The following GOLM1 variants were observed in gnomAD, a reference collection of about 807,000 sequenced individuals.
GOLM1 encodes the protein epididymis luminal protein 46.
A neutral mutation model predicts 50.5 loss-of-function variants in GOLM1; 31 were observed. The observed-to-expected ratio is 0.61, with a 90% CI of 0.46 to 0.83. GOLM1 has a LOEUF of 0.83. Ranked by LOEUF, GOLM1 falls within the 40% of genes least tolerant of loss-of-function variation. The pLI is 0.00. For missense variants in GOLM1, 491 were observed against 501.3 expected (o/e 0.98, Z 0.20); for synonymous variants, 178 against 192.8 (o/e 0.92, Z 0.64).
intron 8 of GOLM1, among the ~76,000 whole-genome samples, chr9:86,034,447 T>C (rs1449822037): frequency 6.6e-6 from 1 of 152,178 alleles, no homozygotes; most frequent in East Asian, 1.9e-4. Flanking sequence ...GGCCCACCTT[T>C]GTTACGCTTT....
chr9:86,026,314 T>TTATC lies in GOLM1; in HGVS notation c.*1499_*1502dup, dbSNP rs1832780949. ...AAGAGTATGAAAGTACTCTAAGATT[T>TTATC]TATCTAAGTTGCCTTTTCTGGGTGG... On this transcript the variant is annotated 3_prime_UTR_variant, in exon 10 of 10. Transcript: ENST00000388712. The TTATC allele has an allele frequency of 4.1e-6, 4 of 984,904 alleles. No homozygotes were observed. Among genetic ancestry groups the TTATC allele is most frequent in the Non-Finnish European group, 4.8e-6 (4 of 829,536 alleles). The allele number at this position is 984,904 out of a possible 1,614,324, so 61.0% of individuals were successfully genotyped here. A position where few individuals can be genotyped will look rare whatever the true frequency, so the allele number is the denominator to read the frequency against.
chr9:86,036,845 A>C (rs766075304), intron 6 of GOLM1: 3 of 254,834 alleles, frequency 1.2e-5, no homozygotes, highest in Non-Finnish European at 2.2e-5. Flanking sequence ...TTGACGAAAC[A>C]AACATCTGCA....
rs149371077 is a variant in GOLM1, at chr9:86,040,753, C to G, written c.583G>C (p.Asp195His). The G allele has an allele frequency of 3.7e-6, 6 of 1,612,850 alleles. No individual in the cohort carries two copies. The highest frequency in any genetic ancestry group is 5.1e-6 in the Non-Finnish European group (6 of 1,179,718). Residue 195 changes from aspartate to histidine, a missense_variant, in exon 6 of 10, where the codon GAC (aspartate) becomes CAC (histidine). Coordinates refer to ENST00000388712, the MANE Select transcript of GOLM1 (RefSeq NM_016548.4). ...TCCCCAGTTACCTGCTGTCTCTGGT[C>G]GTTGTTTTCACTCAGGTCTCTGGAA... is the stretch of plus-strand genomic sequence containing the variant. ...VASRDLSENN[D>H]QRQQLQALSE... is the part of the protein sequence containing the mutation.
At chr9:86,071,093 A>ACG (rs1834435151) in intron 3 of GOLM1, among the ~76,000 whole-genome samples, 2 of 151,892 alleles carry the variant, frequency 1.3e-5, no homozygotes, top group African/African-American at 4.8e-5. Context: ...ACACACACAC[A>ACG]CACACACACA....
intron 3 of GOLM1, among the ~76,000 whole-genome samples, chr9:86,063,975 T>TTTAAAA (rs1380218981): frequency 6.6e-6 from 1 of 152,222 alleles, no homozygotes; most frequent in East Asian, 1.9e-4. Flanking sequence ...GTGGAACTTG[T>TTTAAAA]CCATGGCATG....
intron 4 of GOLM1, among the ~76,000 whole-genome samples, chr9:86,049,721 T>C (rs1266178470): frequency 2.6e-5 from 4 of 152,218 alleles, no homozygotes; most frequent in African/African-American, 9.6e-5. Context: ...GATTTTGTAT[T>C]CTGAGACTTT....
chr9:86,067,400 T>C (rs1035843088), intron 3 of GOLM1, among the ~76,000 whole-genome samples: 6 of 152,258 alleles, frequency 3.9e-5, no homozygotes, highest in Non-Finnish European at 7.3e-5. Context: ...CTGTTTTATA[T>C]GTACACATAT....
chr9:86,080,286 T>C, intron 1 of GOLM1: 1 of 152,184 alleles, frequency 6.6e-6, no homozygotes, highest in East Asian at 1.9e-4. Context: ...GGGCTTCAAT[T>C]CAAAGCCAGG....
chr9:86,047,348 T>G (rs1018893382), intron 4 of GOLM1, among the ~76,000 whole-genome samples: 2 of 152,070 alleles, frequency 1.3e-5, no homozygotes, highest in African/African-American at 4.8e-5. Flanking sequence ...ATCCCCAAGG[T>G]GGGCCCTCAC....
At chr9:86,049,317 T>C (rs28859412) in intron 4 of GOLM1, among the ~76,000 whole-genome samples, 11,677 of 152,242 alleles carry the variant, frequency 0.077, 776 homozygotes, top group African/African-American at 0.18. Flanking sequence ...TGCCTCCAGC[T>C]TTGTTCTTTT....
chr9:86,053,178 ACAC>A (rs1411701425), intron 3 of GOLM1, among the ~76,000 whole-genome samples: 2 of 116,772 alleles, frequency 1.7e-5, no homozygotes, highest in African/African-American at 6.9e-5. Context: ...ACCAAACCAC[ACAC>A]CACACCCACC....
chr9:86,074,961 C>T (rs1834569088), intron 3 of GOLM1, among the ~76,000 whole-genome samples: 1 of 152,060 alleles, frequency 6.6e-6, no homozygotes, highest in Admixed American at 6.5e-5. Context: ...CTTCAAAATC[C>T]ACACATTGAA....
At chr9:86,051,589 C>G (rs1035915378) in intron 4 of GOLM1, among the ~76,000 whole-genome samples, 1 of 152,140 alleles carries the variant, frequency 6.6e-6, no homozygotes, top group Non-Finnish European at 1.5e-5. Context: ...CATGGCAGAC[C>G]AGAGGCTGCC....
intron 5 of GOLM1, among the ~76,000 whole-genome samples, chr9:86,043,528 G>A (rs996590580): frequency 3.3e-5 from 5 of 152,092 alleles, no homozygotes; most frequent in African/African-American, 9.7e-5. Flanking sequence ...CAAAGTGTTC[G>A]TACTTTTTAT....
intron 3 of GOLM1, among the ~76,000 whole-genome samples, chr9:86,060,008 A>T (rs1834111995): frequency 1.3e-5 from 2 of 152,190 alleles, no homozygotes; most frequent in Non-Finnish European, 2.9e-5. Context: ...AAATGGCTAA[A>T]ATAATGAATT....
At chr9:86,059,084 C>G (rs983754220) in intron 3 of GOLM1, among the ~76,000 whole-genome samples, 1 of 152,032 alleles carries the variant, frequency 6.6e-6, no homozygotes, top group Non-Finnish European at 1.5e-5. Context: ...AGAACCCCCC[C>G]CCAATACACA....
intron 8 of GOLM1, chr9:86,034,957 C>A: frequency 6.2e-6 from 6 of 960,518 alleles, no homozygotes; most frequent in Non-Finnish European, 7.4e-6. Flanking sequence ...CTTCATCTAC[C>A]CAATATTCCT....
intron 1 of GOLM1, among the ~76,000 whole-genome samples, chr9:86,094,176 TTA>T (rs1177279596): frequency 6.7e-6 from 1 of 148,778 alleles, no homozygotes; most frequent in Non-Finnish European, 1.5e-5. Context: ...TTTTTTTTTT[TTA>T]AAGTTTTACT....
intron 8 of GOLM1, among the ~76,000 whole-genome samples, chr9:86,033,839 C>CT (rs1833054497): frequency 6.6e-6 from 1 of 152,116 alleles, no homozygotes; most frequent in African/African-American, 2.4e-5. Flanking sequence ...TGAGAGCACC[C>CT]ATTACTCTAT....
Sources: gnomAD v4.1 joint callset for allele counts (sites outside exome capture counted in the v4.1 genomes callset) on GRCh38, gnomAD v4.1.1 for gene constraint, MANE v1.5 for transcripts, NCBI Gene and HGNC (gene_info 2026-07-23, HGNC 2026-07-21) for gene names.